The following EYS variants were observed in gnomAD, a reference collection of about 807,000 sequenced individuals.
EYS encodes EGF-like photoreceptor maintenance factor, also known as protein eyes shut homolog.
A neutral mutation model predicts 282.1 loss-of-function variants in EYS; 250 were observed. The observed-to-expected ratio is 0.89, with a 90% CI of 0.80 to 0.98. The LOEUF (loss-of-function observed/expected upper bound fraction) is 0.98. Among genes scored for constraint, EYS ranks in the 50% least tolerant of loss-of-function variants. The pLI is 0.00. For synonymous variants in EYS, 1,355 were observed against 1,282.9 expected (o/e 1.06, Z -1.20); for missense variants, 4,016 against 3,709.0 (o/e 1.08, Z -2.15).
chr6:64,490,639 A>G (rs1776708164), intron 26 of EYS, among the ~76,000 whole-genome samples: 1 of 150,822 alleles, frequency 6.6e-6, no homozygotes, highest in African/African-American at 2.4e-5. Context: ...TTAAAATTCA[A>G]CGCAGTGCAA....
chr6:63,772,128 A>G (rs1582191901), intron 40 of EYS, among the ~76,000 whole-genome samples: 1 of 149,718 alleles, frequency 6.7e-6, no homozygotes, highest in East Asian at 1.9e-4. Context: ...AAATCTTTTT[A>G]GCAGATATAG....
chr6:64,529,006 T>C (rs1778012537), intron 26 of EYS, among the ~76,000 whole-genome samples: 1 of 152,060 alleles, frequency 6.6e-6, no homozygotes, highest in East Asian at 1.9e-4. Context: ...AGACATACAA[T>C]GGTATACAGA....
chr6:64,112,083 C>A lies in EYS; in HGVS notation c.6425-30081G>T, dbSNP rs1470971043. ...TCCCTTACATTACTTTTCTTTCAGG[C>A]TTTATTTCACCTGAAAATATGATAA... On this transcript the variant is annotated intron_variant, in intron 31 of 42. Coordinates refer to ENST00000503581, the MANE Select transcript of EYS (RefSeq NM_001142800.2). Among the ~76,000 whole-genome samples, 4 of 151,894 alleles carry A rather than the reference C, an allele frequency of 2.6e-5. No homozygotes were observed. In the East Asian group the frequency reaches 7.7e-4, roughly 29 times the overall value.
In EYS at chr6:64,347,134, T is replaced by C. The variant is rs181044144; in HGVS notation, c.6079-40052A>G. 3.9e-3 allele frequency among the ~76,000 whole-genome samples: 594 copies of C among 151,424 alleles called. 4 individuals carry two copies. The highest frequency in any genetic ancestry group is 0.014 in the African/African-American group (560 of 41,412). ...GAAGGCACTAGTTTCTTCAAAAAAA[T>C]TTTTGCTCAAATAATAAAACAGAGG... On this transcript the variant is annotated intron_variant, in intron 29 of 42. Transcript: ENST00000503581.
intron 12 of EYS, among the ~76,000 whole-genome samples, chr6:65,228,561 A>G (rs561260537): frequency 6.6e-6 from 1 of 152,040 alleles, no homozygotes; most frequent in Non-Finnish European, 1.5e-5. Context: ...GCTTTTAATC[A>G]TGGTGAAAAC....
At chr6:64,004,161 AT>A (rs1247093815) in intron 33 of EYS, among the ~76,000 whole-genome samples, 1 of 151,182 alleles carries the variant, frequency 6.6e-6, no homozygotes, top group Non-Finnish European at 1.5e-5. Context: ...ATCTTCCCTT[AT>A]TTTTTTCTGT....
intron 31 of EYS, among the ~76,000 whole-genome samples, chr6:64,099,116 G>A (rs1325648906): frequency 6.6e-6 from 1 of 152,060 alleles, no homozygotes; most frequent in Non-Finnish European, 1.5e-5. Flanking sequence ...TGAAACAACT[G>A]TCACTAAAAT....
intron 19 of EYS, among the ~76,000 whole-genome samples, chr6:64,844,686 C>T (rs533372579): frequency 6.6e-6 from 1 of 152,204 alleles, no homozygotes; most frequent in African/African-American, 2.4e-5. Flanking sequence ...TTTGGACAAA[C>T]TCAAATTAAT....
At chr6:65,610,360 T>G (rs1447871226) in intron 2 of EYS, among the ~76,000 whole-genome samples, 1 of 152,110 alleles carries the variant, frequency 6.6e-6, no homozygotes, top group Non-Finnish European at 1.5e-5. Flanking sequence ...TTATTTATCT[T>G]CATTAGTCAT....
chr6:64,226,253 A>G (rs1477507275), intron 31 of EYS, among the ~76,000 whole-genome samples: 1 of 152,136 alleles, frequency 6.6e-6, no homozygotes, highest in African/African-American at 2.4e-5. Flanking sequence ...TTTTTTAACA[A>G]GACAAAACAC....
intron 36 of EYS, among the ~76,000 whole-genome samples, chr6:63,852,779 C>T (rs995312565): frequency 2.0e-5 from 3 of 152,190 alleles, no homozygotes. Flanking sequence ...AAAAGCTTAT[C>T]TACCACGATC....
At chr6:65,444,409 T>G (rs1277896563) in intron 5 of EYS, among the ~76,000 whole-genome samples, 1 of 151,892 alleles carries the variant, frequency 6.6e-6, no homozygotes, top group Non-Finnish European at 1.5e-5. Context: ...CACAAGAAAG[T>G]TTATATAAAA....
chr6:65,271,728 G>A (rs1332587385), intron 12 of EYS, among the ~76,000 whole-genome samples: 1 of 151,912 alleles, frequency 6.6e-6, no homozygotes, highest in African/African-American at 2.4e-5. Flanking sequence ...GATTACAGGA[G>A]TGCACTACCA....
intron 22 of EYS, among the ~76,000 whole-genome samples, chr6:64,740,584 A>T (rs1772336447): frequency 1.3e-5 from 2 of 152,188 alleles, no homozygotes; most frequent in Admixed American, 1.3e-4. Flanking sequence ...GAACAAAGTA[A>T]GGTGATGGCT....
chr6:65,259,413 C>A (rs1767558789), intron 12 of EYS, among the ~76,000 whole-genome samples: 1 of 151,974 alleles, frequency 6.6e-6, no homozygotes, highest in Non-Finnish European at 1.5e-5. Context: ...CGGTGTTAAT[C>A]TTCTAAGATT....
At chr6:65,320,999 AC>A (rs1317383635) in intron 11 of EYS, among the ~76,000 whole-genome samples, 2 of 152,096 alleles carry the variant, frequency 1.3e-5, no homozygotes, top group Admixed American at 6.5e-5. Context: ...CCTTCTTTTC[AC>A]AGCTGTTGGT....
chr6:65,080,720 T>TA (rs201299946), intron 12 of EYS, among the ~76,000 whole-genome samples: 30 of 151,432 alleles, frequency 2.0e-4, no homozygotes, highest in South Asian at 6.3e-4. Context: ...TTTGTTAATT[T>TA]AAAAAAAAAG....
At chr6:65,360,446 A>T (rs9453271) in intron 8 of EYS, among the ~76,000 whole-genome samples, 102,362 of 151,866 alleles carry the variant, frequency 0.67, 34,600 homozygotes, top group South Asian at 0.71. Flanking sequence ...TCCAAAAAAC[A>T]TAGAATAATG....
intron 12 of EYS, among the ~76,000 whole-genome samples, chr6:65,114,313 A>T (rs1365193406): frequency 1.4e-5 from 2 of 141,788 alleles, no homozygotes; most frequent in African/African-American, 5.7e-5. Flanking sequence ...TTTTTATAGA[A>T]TATCATATTT....
Sources: allele counts gnomAD v4.1 joint callset (sites outside exome capture counted in the v4.1 genomes callset), GRCh38; gene constraint gnomAD v4.1.1; transcripts MANE v1.5; gene names NCBI Gene and HGNC (gene_info 2026-07-23, HGNC 2026-07-21).